FSCN2: variants seen among roughly 807,000 people sequenced by gnomAD.
The protein encoded by FSCN2 is fascin-2.
FSCN2 carries 46 observed loss-of-function variants against 37.8 expected under a neutral mutation model. That is an observed-to-expected ratio of 1.22 (90% CI 0.96 to 1.56). The LOEUF is 1.56. Among genes scored for constraint, FSCN2 ranks in the 40% most tolerant of loss-of-function variants. FSCN2 has a pLI of 0.00. For synonymous variants in FSCN2, 351 were observed against 309.4 expected, an observed-to-expected ratio of 1.13 and a Z score of -1.41; for missense variants, 844 against 730.4, an observed-to-expected ratio of 1.16 and a Z score of -1.79.
intron 1 of FSCN2, among the ~76,000 whole-genome samples, chr17:81,534,587 G>A (rs1489285731): frequency 5.3e-5 from 8 of 151,916 alleles, no homozygotes; most frequent in Admixed American, 2.0e-4. Context: ...GGGGAAAGCT[G>A]CAGAGGTGAC....
chr17:81,515,182 G>C, the FSCN2 span, among the ~76,000 whole-genome samples: 1 of 152,230 alleles, frequency 6.6e-6, no homozygotes, highest in African/African-American at 2.4e-5. Flanking sequence ...TGGACCGCGC[G>C]CTGTGATTTT....
intron 1 of FSCN2, among the ~76,000 whole-genome samples, chr17:81,531,672 GTGATGA>G (rs1183667823): frequency 1.6e-5 from 2 of 125,294 alleles, no homozygotes; most frequent in Admixed American, 7.8e-5. Context: ...GATGATGATG[GTGATGA>G]TGATGGTGAT....
intron 3 of FSCN2, 107 bp downstream of exon 3, chr17:81,536,374 C>T (rs2032877740): frequency 9.5e-6 from 14 of 1,467,186 alleles, no homozygotes; most frequent in Admixed American, 2.0e-5. Flanking sequence ...CCCCAGCCCA[C>T]GGAACGGGTG....
At chr17:81,535,825 C>A (rs1194779408) in intron 2 of FSCN2, among the ~76,000 whole-genome samples, 1 of 110,560 alleles carries the variant, frequency 9.0e-6, no homozygotes, top group Non-Finnish European at 1.8e-5. Flanking sequence ...ATCACCATCC[C>A]CCTCTCCATC....
rs1441366376 is a variant in FSCN2, at chr17:81,535,172, T to A, written c.947T>A (p.Val316Asp). ...AGCACTGGGGGCTACTGGACCCTGG[T>A]CACCCATGGGGGCATTCACGCCACA... ...YSSTGGYWTL[V>D]THGGIHATAT... The change falls in exon 2 of 5, where the codon GTC becomes GAC. Residue 316 changes from valine (V) to aspartate (D), a missense_variant. Coordinates refer to ENST00000417245, the MANE Select transcript of FSCN2 (RefSeq NM_012418.4). 6.5e-7 allele frequency: 1 copy of A among 1,533,202 alleles called. No homozygotes were observed. Among genetic ancestry groups the A allele is most frequent in the African/African-American group, 1.4e-5 (1 of 72,790 alleles). The allele number at this position is 1,533,202 out of a possible 1,614,324, so 95.0% of individuals were successfully genotyped here.
In FSCN2 at chr17:81,536,989, C is replaced by G. The variant is rs779402205; in HGVS notation, c.1388C>G (p.Ala463Gly). The change falls in exon 5 of 5, where the codon GCC becomes GGC. Residue 463 changes from alanine to glycine, a missense_variant. Transcript: ENST00000417245. Reference sequence around the variant, plus strand: ...GAGCGCGGCCGCCTGGCCATCCGCGCCCGGAGCGGCAAGTACCTGCGCGGC... The same window carrying G: ...GAGCGCGGCCGCCTGGCCATCCGCGGCCGGAGCGGCAAGTACCTGCGCGGC... ...FRERGRLAIR[A>G]RSGKYLRGGA... 2.1e-5 allele frequency: 32 copies of G among 1,527,754 alleles called. 1 individual carries two copies. In the South Asian group the frequency reaches 3.6e-4, roughly 17 times the overall value. 94.6% of individuals were successfully genotyped at this position (1,527,754 alleles called of 1,614,324 possible). A position where few individuals can be genotyped will look rare whatever the true frequency, so the allele number is the denominator to read the frequency against.
rs2032420209 is a variant in FSCN2 at position 81,528,444 on chromosome 17, G to GGGT, written c.-88_-87insGGT. On this transcript the variant is annotated 5_prime_UTR_variant, in exon 1 of 5. Transcript: ENST00000417245. ...GGTCTGGGGGCTGTGGGCCAGCCGA[G>GGGT]CCGACCCGGGCTTCTGGGGGACCGC... 2.9e-6 allele frequency: 3 copies of GGGT among 1,029,392 alleles called. No individual in the cohort carries two copies. The African/African-American group carries it at 4.8e-5, about 16-fold the overall frequency. 63.8% of individuals were successfully genotyped at this position (1,029,392 alleles called of 1,614,324 possible). A position where few individuals can be genotyped will look rare whatever the true frequency, so the allele number is the denominator to read the frequency against.
At chr17:81,521,314 C>T in the FSCN2 span, among the ~76,000 whole-genome samples, 7 of 151,658 alleles carry the variant, frequency 4.6e-5, no homozygotes, top group African/African-American at 9.7e-5. Flanking sequence ...GTGATCCACC[C>T]GCCTTGGCCT....
intron 1 of FSCN2, among the ~76,000 whole-genome samples, chr17:81,531,699 G>GTGA (rs1247219773): frequency 2.2e-5 from 2 of 90,980 alleles, no homozygotes; most frequent in African/African-American, 1.2e-4. Flanking sequence ...GATGGTGATG[G>GTGA]TGATGATGAT....
chr17:81,515,181 C>G, the FSCN2 span, among the ~76,000 whole-genome samples: 3 of 152,132 alleles, frequency 2.0e-5, no homozygotes, highest in African/African-American at 7.2e-5. Context: ...CTGGACCGCG[C>G]GCTGTGATTT....
upstream of FSCN2, among the ~76,000 whole-genome samples, chr17:81,525,144 G>T (rs77976544): frequency 2.0e-5 from 3 of 151,788 alleles, no homozygotes; most frequent in Non-Finnish European, 4.4e-5. Flanking sequence ...AGAACCAGAC[G>T]GCCAGGCACG....
chr17:81,525,425 C>CAA (rs1202765459), upstream of FSCN2, among the ~76,000 whole-genome samples: 10 of 47,842 alleles, frequency 2.1e-4, no homozygotes, highest in East Asian at 2.7e-3. Context: ...GACTCTGTCT[C>CAA]AAAAAAAAAA....
At chr17:81,520,227 T>G in the FSCN2 span, among the ~76,000 whole-genome samples, 1 of 149,456 alleles carries the variant, frequency 6.7e-6, no homozygotes, top group African/African-American at 2.5e-5. Flanking sequence ...CCTGGGGCCG[T>G]GGGGACACAG....
At chr17:81,529,597 T>C in intron 1 of FSCN2, 1 of 741,174 alleles carries the variant, frequency 1.3e-6, no homozygotes, top group South Asian at 1.4e-5. Flanking sequence ...CAAGGGTTCC[T>C]GGCCTTTCTC....
the FSCN2 span, among the ~76,000 whole-genome samples, chr17:81,516,626 G>C: frequency 6.6e-6 from 1 of 152,214 alleles, no homozygotes; most frequent in Non-Finnish European, 1.5e-5. Flanking sequence ...ACTCGGCCTG[G>C]CTGCCTCTGA....
At chr17:81,531,318 A>ATGGGGGTGATGGTGATGATGGTGG in intron 1 of FSCN2, among the ~76,000 whole-genome samples, 1 of 39,902 alleles carries the variant, frequency 2.5e-5, no homozygotes, top group African/African-American at 1.0e-4. Context: ...GGTGGTGGTG[A>ATGGGGGTGATGGTGATGATGGTGG]TGATGGTGGT....
intron 1 of FSCN2, chr17:81,530,261 G>C (rs1489750252): frequency 3.5e-6 from 1 of 282,156 alleles, no homozygotes; most frequent in Non-Finnish European, 6.9e-6. Flanking sequence ...AGTGATGGAG[G>C]ACACGGTGGG....
At chr17:81,520,801 C>T in the FSCN2 span, among the ~76,000 whole-genome samples, 1 of 152,222 alleles carries the variant, frequency 6.6e-6, no homozygotes, top group Non-Finnish European at 1.5e-5. Flanking sequence ...GATGCTTTTG[C>T]ATTCATTATC....
upstream of FSCN2, among the ~76,000 whole-genome samples, chr17:81,526,183 A>G (rs762823803): frequency 1.3e-5 from 2 of 152,098 alleles, no homozygotes; most frequent in Non-Finnish European, 2.9e-5. Flanking sequence ...CGTGCCAATC[A>G]GAGGGGCAGG....
Sources: gnomAD v4.1 joint callset for allele counts (sites outside exome capture counted in the v4.1 genomes callset) on GRCh38, gnomAD v4.1.1 for gene constraint, MANE v1.5 for transcripts, NCBI Gene and HGNC (gene_info 2026-07-23, HGNC 2026-07-21) for gene names.